CHL1: variants seen among roughly 807,000 people sequenced by gnomAD.
CHL1 encodes the protein cell adhesion molecule L1 like, also known as neural cell adhesion molecule L1-like protein.
Under a neutral mutation model 141.9 loss-of-function variants are expected in CHL1, and 96 were observed. That is an observed-to-expected ratio of 0.68 (90% CI 0.57 to 0.80). The LOEUF (loss-of-function observed/expected upper bound fraction) is 0.80. Ranked by LOEUF, CHL1 falls within the 30% of genes least tolerant of loss-of-function variation. The pLI is 0.00. For synonymous variants in CHL1, 613 were observed against 502.2 expected (o/e 1.22, Z -2.95); for missense variants, 1,820 against 1,457.2 (o/e 1.25, Z -4.05).
chr3:351,086 C>T (rs1337774899), intron 10 of CHL1, among the ~76,000 whole-genome samples: 1 of 152,168 alleles, frequency 6.6e-6, no homozygotes, highest in Non-Finnish European at 1.5e-5. Context: ...TTCCAGATGG[C>T]TGGAACATAG....
intron 1 of CHL1, among the ~76,000 whole-genome samples, chr3:236,399 C>G (rs941314279): frequency 6.6e-6 from 1 of 152,126 alleles, no homozygotes; most frequent in Non-Finnish European, 1.5e-5. Flanking sequence ...CCTTCTAGGT[C>G]AGCCTTCTAT....
intron 5 of CHL1, among the ~76,000 whole-genome samples, chr3:337,925 C>T (rs1010904366): frequency 6.6e-5 from 10 of 152,136 alleles, no homozygotes; most frequent in African/African-American, 2.4e-4. Flanking sequence ...ATTTCTAGTT[C>T]TAGATCCCTG....
chr3:329,583 A>G (rs961458229), intron 5 of CHL1, among the ~76,000 whole-genome samples: 1 of 151,992 alleles, frequency 6.6e-6, no homozygotes, highest in African/African-American at 2.4e-5. Context: ...AATAAAGGAG[A>G]GAAAAAAAGT....
chr3:228,465 G>T (rs1271995992), intron 1 of CHL1, among the ~76,000 whole-genome samples: 1 of 131,162 alleles, frequency 7.6e-6, no homozygotes, highest in African/African-American at 2.7e-5. Context: ...CATACACTCA[G>T]TGTAAATATG....
In CHL1 at chr3:408,199, A is replaced by G. The variant is rs987114363; in HGVS notation, c.*2488A>G. 1.3e-5 allele frequency: 2 copies of G among 152,112 alleles called. No homozygotes were observed. The highest frequency in any genetic ancestry group is 2.9e-5 in the Non-Finnish European group (2 of 68,006). 9.4% of individuals were successfully genotyped at this position (152,112 alleles called of 1,614,324 possible). Reference sequence around the variant, plus strand: ...TATAAATTGGTGATGCTTGTTTGCAAATTGCCCACTCGTGATAAGTCAACA... The same window carrying G: ...TATAAATTGGTGATGCTTGTTTGCAGATTGCCCACTCGTGATAAGTCAACA... On this transcript the variant is annotated 3_prime_UTR_variant, in exon 28 of 28. Transcript: ENST00000256509.
At chr3:354,538 G>A (rs1019838832) in intron 10 of CHL1, 102 bp from the exon 11 acceptor site, 1 of 1,311,352 alleles carries the variant, frequency 7.6e-7, no homozygotes, top group African/African-American at 1.5e-5. Flanking sequence ...ACCCTTTGTG[G>A]TGTCTGCCCT....
chr3:206,343 G>C (rs28433164), intron 1 of CHL1, among the ~76,000 whole-genome samples: 2 of 152,080 alleles, frequency 1.3e-5, no homozygotes, highest in African/African-American at 4.8e-5. Context: ...TGGCATGCCT[G>C]TAATCCCAGC....
At chr3:379,877 T>C (rs1559334891) in intron 16 of CHL1, among the ~76,000 whole-genome samples, 2 of 152,160 alleles carry the variant, frequency 1.3e-5, no homozygotes, top group Non-Finnish European at 2.9e-5. Flanking sequence ...AAAATAATTA[T>C]ATAGACACAT....
intron 2 of CHL1, among the ~76,000 whole-genome samples, chr3:255,646 C>T (rs1280558005): frequency 2.6e-5 from 4 of 152,142 alleles, no homozygotes; most frequent in African/African-American, 9.7e-5. Flanking sequence ...CTAAAAAATG[C>T]AAAGATAAAT....
At chr3:342,703 G>A (rs776813441) in intron 7 of CHL1, among the ~76,000 whole-genome samples, 11 of 152,146 alleles carry the variant, frequency 7.2e-5, no homozygotes, top group Non-Finnish European at 1.2e-4. Flanking sequence ...TCATTTTTAT[G>A]TGTAGATATG....
At chr3:204,432 A>G (rs1458653864) in intron 1 of CHL1, among the ~76,000 whole-genome samples, 1 of 152,230 alleles carries the variant, frequency 6.6e-6, no homozygotes, top group East Asian at 1.9e-4. Context: ...AAGGACGATG[A>G]AGGAATAGAC....
chr3:275,417 A>T (rs9819022), intron 2 of CHL1, among the ~76,000 whole-genome samples: 17,836 of 152,262 alleles, frequency 0.12, 1,170 homozygotes, highest in African/African-American at 0.16. Context: ...TTTAAACTTC[A>T]TAATATTCTT....
In CHL1 at chr3:400,900, CTTTTTTTTT is replaced by C. The variant is rs71058770; in HGVS notation, c.3386-715_3386-707del. Among the ~76,000 whole-genome samples the C allele has an allele frequency of 9.3e-4, 105 of 112,460 alleles. No homozygotes were observed. The East Asian group carries it at 0.024, about 26-fold the overall frequency. The allele number at this position is 112,460 out of a possible 152,430, so 73.8% of individuals were successfully genotyped here. On this transcript the variant is annotated intron_variant, in intron 26 of 27. Transcript: ENST00000256509. ...TGATGTATAACAACCAAATGACTGC[CTTTTTTTTT>C]TTTTTTTTTTGAGACAAGGTCTTGT...
Position 389,875 on chromosome 3 carries a change from C to T in CHL1, c.2470+401C>T, listed in dbSNP as rs962562085. ...CATGCCCTGGGCTTCAGTGGCATGT[C>T]TGGAGCTTTCCTAATACTGATGAGA... On this transcript the variant is annotated intron_variant, in intron 20 of 27. Transcript: ENST00000256509. 1.1e-4 allele frequency among the ~76,000 whole-genome samples: 17 copies of T among 152,262 alleles called. 1 individual carries two copies. The highest frequency in any genetic ancestry group is 9.8e-4 in the Admixed American group (15 of 15,308).
intron 7 of CHL1, 116 bp downstream of exon 7, chr3:342,198 C>G (rs571190244): frequency 3.5e-6 from 3 of 847,312 alleles, no homozygotes; most frequent in Non-Finnish European, 5.3e-6. Context: ...TTGTGCAGTT[C>G]AACTCTGGAG....
chr3:317,461 T>C (rs1442306100), intron 2 of CHL1, among the ~76,000 whole-genome samples: 1 of 152,026 alleles, frequency 6.6e-6, no homozygotes, highest in African/African-American at 2.4e-5. Context: ...TACGATCTCC[T>C]AGTAGCATAA....
intron 1 of CHL1, among the ~76,000 whole-genome samples, chr3:224,643 A>T (rs1701159282): frequency 6.6e-6 from 1 of 152,192 alleles, no homozygotes; most frequent in Non-Finnish European, 1.5e-5. Flanking sequence ...AGCAGATGCC[A>T]GTGCCATGCT....
At chr3:351,295 A>G (rs1043987816) in intron 10 of CHL1, among the ~76,000 whole-genome samples, 1 of 152,236 alleles carries the variant, frequency 6.6e-6, no homozygotes, top group Non-Finnish European at 1.5e-5. Flanking sequence ...TAAAACAGCT[A>G]TTAGCACTAT....
In CHL1 at chr3:398,243, G is replaced by T; in HGVS notation, c.3111G>T (p.Lys1037Asn). Residue 1037 changes from lysine to asparagine, a missense_variant, in exon 25 of 28, where the codon AAG becomes AAT. Physicochemically the swap from Lys to Asn is moderately conservative, Grantham distance 94. Coordinates refer to ENST00000256509, the MANE Select transcript of CHL1 (RefSeq NM_006614.4). ...TLGEGSKGIG[K>N]ISGVNLTQKT... ...ATTTCTTAGGTAAAGGTATCGGGAA[G>T]ATATCAGGAGTAAATCTTACTCAAA... 6.2e-7 allele frequency: 1 copy of T among 1,600,362 alleles called. No homozygotes were observed. Among genetic ancestry groups the T allele is most frequent in the Non-Finnish European group, 8.5e-7 (1 of 1,170,030 alleles).
Sources: gnomAD v4.1 joint callset for allele counts (sites outside exome capture counted in the v4.1 genomes callset) on GRCh38, gnomAD v4.1.1 for gene constraint, MANE v1.5 for transcripts, NCBI Gene and HGNC (gene_info 2026-07-23, HGNC 2026-07-21) for gene names.